The following RPS6KC1 variants were observed in gnomAD, a reference collection of about 807,000 sequenced individuals.
RPS6KC1 encodes ribosomal protein S6 kinase C1.
Under a neutral mutation model 103.8 loss-of-function variants are expected in RPS6KC1, and 54 were observed. That is an observed-to-expected ratio of 0.52 (90% CI 0.42 to 0.65). The LOEUF (loss-of-function observed/expected upper bound fraction) is 0.65. Ranked by LOEUF, RPS6KC1 falls within the 30% of genes least tolerant of loss-of-function variation. RPS6KC1 has a pLI of 0.00. For missense variants in RPS6KC1, 1,151 were observed against 1,253.8 expected, an observed-to-expected ratio of 0.92 and a Z score of 1.24; for synonymous variants, 439 against 438.7, an observed-to-expected ratio of 1.00 and a Z score of -0.01.
chr1:213,682,602 T>G, the RPS6KC1 span, among the ~76,000 whole-genome samples: 11 of 152,258 alleles, frequency 7.2e-5, no homozygotes, highest in Non-Finnish European at 1.5e-4. Flanking sequence ...GAAAATTCCC[T>G]GTAGATCTGA....
At chr1:213,473,568 T>C in the RPS6KC1 span, among the ~76,000 whole-genome samples, 2 of 152,252 alleles carry the variant, frequency 1.3e-5, no homozygotes, top group African/African-American at 4.8e-5. Flanking sequence ...GGGTATGGGA[T>C]TTACTTTTGC....
chr1:213,712,863 A>G, the RPS6KC1 span, among the ~76,000 whole-genome samples: 6 of 151,804 alleles, frequency 4.0e-5, no homozygotes, highest in East Asian at 2.0e-4. Flanking sequence ...ACCAGTCCCA[A>G]TGAGGTAAGC....
At chr1:213,644,468 T>C in the RPS6KC1 span, among the ~76,000 whole-genome samples, 1 of 152,116 alleles carries the variant, frequency 6.6e-6, no homozygotes, top group Non-Finnish European at 1.5e-5. Flanking sequence ...TATCCACGAG[T>C]ACAGTATCAT....
the RPS6KC1 span, among the ~76,000 whole-genome samples, chr1:213,559,215 C>T: frequency 6.6e-6 from 1 of 152,176 alleles, no homozygotes. Context: ...CAAGGTCTCC[C>T]ACTGAATTAG....
chr1:213,165,929 C>T (rs960901388), intron 6 of RPS6KC1, among the ~76,000 whole-genome samples: 1 of 152,220 alleles, frequency 6.6e-6, no homozygotes, highest in African/African-American at 2.4e-5. Flanking sequence ...GGAAGTGGAA[C>T]CACCATATTC....
intron 6 of RPS6KC1, among the ~76,000 whole-genome samples, chr1:213,147,276 A>T (rs188425389): frequency 2.0e-5 from 3 of 152,118 alleles, no homozygotes; most frequent in Admixed American, 2.0e-4. Context: ...TCCCAAACCA[A>T]TATCCTGGAG....
chr1:213,854,562 T>TTCTTTCTTTCTTTC, the RPS6KC1 span, among the ~76,000 whole-genome samples: 840 of 122,464 alleles, frequency 6.9e-3, 5 homozygotes, highest in African/African-American at 0.026. Flanking sequence ...CTTTCTTTCT[T>TTCTTTCTTTCTTTC]TCTCTCTCTC....
the RPS6KC1 span, among the ~76,000 whole-genome samples, chr1:213,333,591 C>T: frequency 4.6e-5 from 7 of 152,120 alleles, no homozygotes; most frequent in Non-Finnish European, 8.8e-5. Context: ...TTCCTATGTA[C>T]CTGTGGTGCC....
intron 6 of RPS6KC1, among the ~76,000 whole-genome samples, chr1:213,139,572 T>G (rs1476532198): frequency 6.6e-6 from 1 of 152,116 alleles, no homozygotes; most frequent in Non-Finnish European, 1.5e-5. Flanking sequence ...TAGCCAGTTA[T>G]CCCAGCACCA....
the RPS6KC1 span, among the ~76,000 whole-genome samples, chr1:213,849,131 C>A: frequency 6.6e-6 from 1 of 152,160 alleles, no homozygotes; most frequent in Non-Finnish European, 1.5e-5. Flanking sequence ...TTAAAGTTTG[C>A]ACTTCTGAGC....
intron 6 of RPS6KC1, among the ~76,000 whole-genome samples, chr1:213,166,585 A>G (rs1240472369): frequency 6.6e-6 from 1 of 152,206 alleles, no homozygotes; most frequent in African/African-American, 2.4e-5. Flanking sequence ...AAATAAATGT[A>G]GATGGTTCCA....
the RPS6KC1 span, among the ~76,000 whole-genome samples, chr1:213,589,946 T>G: frequency 7.1e-4 from 99 of 140,024 alleles, 1 homozygote; most frequent in Middle Eastern, 3.5e-3. Flanking sequence ...GTGGTGTGTG[T>G]GTGTGTGTGT....
intron 8 of RPS6KC1, among the ~76,000 whole-genome samples, chr1:213,201,118 TA>T (rs1393268890): frequency 3.3e-5 from 5 of 152,258 alleles, no homozygotes; most frequent in African/African-American, 1.2e-4. Flanking sequence ...CCCTGAACTT[TA>T]AAAAAACAAA....
chr1:213,544,287 T>C, the RPS6KC1 span, among the ~76,000 whole-genome samples: 1 of 152,134 alleles, frequency 6.6e-6, no homozygotes, highest in African/African-American at 2.4e-5. Context: ...TGACCCAGGA[T>C]GGCAGAGTGA....
chr1:213,091,354 C>G (rs1241960215), intron 3 of RPS6KC1, among the ~76,000 whole-genome samples: 1 of 151,712 alleles, frequency 6.6e-6, no homozygotes, highest in Non-Finnish European at 1.5e-5. Flanking sequence ...GCCACCGCGC[C>G]CGGCCTGGGA....
At chr1:213,176,633 G>A in intron 8 of RPS6KC1, 141 bp downstream of exon 8, 2 of 503,446 alleles carry the variant, frequency 4.0e-6, no homozygotes, top group Non-Finnish European at 7.0e-6. Flanking sequence ...AATAACAAAA[G>A]CAAAAGAGAA....
At chr1:213,800,524 G>T in the RPS6KC1 span, among the ~76,000 whole-genome samples, 1 of 145,646 alleles carries the variant, frequency 6.9e-6, no homozygotes, top group African/African-American at 2.7e-5. Flanking sequence ...GCTGGGAATG[G>T]GGATCAGTTA....
the RPS6KC1 span, among the ~76,000 whole-genome samples, chr1:213,771,180 G>A: frequency 1.3e-5 from 2 of 152,088 alleles, no homozygotes; most frequent in African/African-American, 2.4e-5. Context: ...GCTTGCCCCA[G>A]GTTCCTGGGA....
chr1:213,576,775 A>G, the RPS6KC1 span, among the ~76,000 whole-genome samples: 1 of 152,192 alleles, frequency 6.6e-6, no homozygotes, highest in Non-Finnish European at 1.5e-5. Context: ...AAAAGCTAGA[A>G]ATGATTAAGC....
Sources: gnomAD v4.1 joint callset for allele counts (sites outside exome capture counted in the v4.1 genomes callset) on GRCh38, gnomAD v4.1.1 for gene constraint, MANE v1.5 for transcripts, NCBI Gene and HGNC (gene_info 2026-07-23, HGNC 2026-07-21) for gene names.